Variants in RYR2 observed in about 807,000 individuals in gnomAD.
The protein encoded by RYR2 is cardiac muscle ryanodine receptor-calcium release channel.
A neutral mutation model predicts 601.1 loss-of-function variants in RYR2; 227 were observed. The ratio of observed to expected loss-of-function variants is 0.38; its 90% CI spans 0.34 to 0.42. RYR2 has a LOEUF of 0.42. Ranked by LOEUF, RYR2 falls within the 10% of genes least tolerant of loss-of-function variation. The probability of loss-of-function intolerance (pLI) is 1.00; values close to 1 mark genes in which losing one functional copy is unlikely to be tolerated. For missense variants in RYR2, 4,646 were observed against 6,156.5 expected (o/e 0.75, Z 8.21); for synonymous variants, 2,223 against 2,175.1 (o/e 1.02, Z -0.61).
chr1:237,720,824 A>G (rs950225775), intron 73 of RYR2, among the ~76,000 whole-genome samples: 4 of 152,212 alleles, frequency 2.6e-5, no homozygotes, highest in African/African-American at 9.6e-5. Context: ...TATGATTATA[A>G]GCAGAAAGAA....
chr1:237,454,207 A>G (rs977698549), intron 14 of RYR2, among the ~76,000 whole-genome samples, 184 bp from the exon 15 acceptor site: 2 of 152,162 alleles, frequency 1.3e-5, no homozygotes, highest in African/African-American at 4.8e-5. Context: ...ATAACATAAC[A>G]TTGCACAGTT....
chr1:237,750,918 C>A (rs1161860032), intron 80 of RYR2, among the ~76,000 whole-genome samples: 1 of 152,178 alleles, frequency 6.6e-6, no homozygotes, highest in African/African-American at 2.4e-5. Flanking sequence ...GGGACTGTAT[C>A]AAATACTTGG....
chr1:237,095,887 T>C (rs1667456152), intron 1 of RYR2, among the ~76,000 whole-genome samples: 1 of 152,220 alleles, frequency 6.6e-6, no homozygotes, highest in Admixed American at 6.5e-5. Context: ...GGACTTGTGG[T>C]TGACCTTGAA....
At position 237,119,664 on chromosome 1, in the gene RYR2, C is replaced by G. The variant is rs1009549915; in HGVS notation, c.48+77095C>G. On this transcript the variant is annotated intron_variant, in intron 1 of 104. Transcript: ENST00000366574. Reference sequence around the variant, plus strand: ...CTGGTCTCATGGCCATGGCACTCTTCAGCCTATCAAATATAAATGCAGAAG... The same window carrying G: ...CTGGTCTCATGGCCATGGCACTCTTGAGCCTATCAAATATAAATGCAGAAG... 2.6e-5 allele frequency among the ~76,000 whole-genome samples: 4 copies of G among 152,298 alleles called. No individual in the cohort carries two copies. The East Asian group carries it at 7.7e-4, about 29-fold the overall frequency.
chr1:237,654,202 A>G, intron 51 of RYR2, 72 bp from the exon 52 acceptor site: 1 of 1,543,320 alleles, frequency 6.5e-7, no homozygotes, highest in Non-Finnish European at 8.7e-7. Flanking sequence ...AGAGTGTGAT[A>G]TGAGGAGAAA....
intron 1 of RYR2, among the ~76,000 whole-genome samples, chr1:237,070,774 G>A (rs1297864238): frequency 6.6e-6 from 1 of 152,226 alleles, no homozygotes; most frequent in Non-Finnish European, 1.5e-5. Flanking sequence ...ACAGGTGCCA[G>A]CTCCATGTGA....
At chr1:237,436,834 A>G (rs1028227014) in intron 12 of RYR2, among the ~76,000 whole-genome samples, 4 of 150,060 alleles carry the variant, frequency 2.7e-5, no homozygotes, top group African/African-American at 9.8e-5. Flanking sequence ...ATAATTCTAT[A>G]GGACTAGTTT....
intron 1 of RYR2, among the ~76,000 whole-genome samples, chr1:237,131,978 C>T (rs1672219521): frequency 6.6e-6 from 1 of 152,182 alleles, no homozygotes; most frequent in Admixed American, 6.5e-5. Flanking sequence ...CCCACCTCAG[C>T]CTCCCAAAAT....
rs1553322794 is a variant in RYR2 at position 237,784,109 on chromosome 1, C to T, written c.12397C>T (p.Leu4133=). 7 of 1,613,870 alleles carry T rather than the reference C, an allele frequency of 4.3e-6. No homozygotes were observed. The highest frequency in any genetic ancestry group is 1.3e-5 in the African/African-American group (1 of 74,904). The change falls in exon 90 of 105, where the codon CTG becomes TTG. Residue 4133 remains leucine, a synonymous_variant. Coordinates refer to ENST00000366574, the MANE Select transcript of RYR2 (RefSeq NM_001035.3). The surrounding 1 kb of genome is among the most constrained non-coding windows in gnomAD (Gnocchi z 7.1). The stretch of plus-strand genomic sequence containing the variant: ...CGTCCTGAATTATTTCCAGCCCTTT[C>T]TGGGCCGCATCGAAATCATGGGAAG... ...ESVLNYFQPF[L]GRIEIMGSAK...
intron 1 of RYR2, among the ~76,000 whole-genome samples, chr1:237,112,081 T>G (rs907362038): frequency 2.0e-5 from 3 of 152,088 alleles, no homozygotes; most frequent in African/African-American, 7.2e-5. Context: ...AAGTTCCCCC[T>G]CCATCACTGG....
chr1:237,108,840 T>G (rs1014172142), intron 1 of RYR2, among the ~76,000 whole-genome samples: 18 of 152,198 alleles, frequency 1.2e-4, no homozygotes, highest in African/African-American at 4.1e-4. Context: ...TTTGCACTTT[T>G]GGTATTTCTG....
intron 29 of RYR2, among the ~76,000 whole-genome samples, chr1:237,580,882 A>T (rs1272293911): frequency 6.6e-6 from 1 of 152,106 alleles, no homozygotes; most frequent in African/African-American, 2.4e-5. Flanking sequence ...ATGGAGAGAG[A>T]CCTCAGGAGA....
intron 2 of RYR2, among the ~76,000 whole-genome samples, chr1:237,321,941 T>C (rs1219737426): frequency 6.6e-6 from 1 of 152,148 alleles, no homozygotes; most frequent in Non-Finnish European, 1.5e-5. Flanking sequence ...TAAGTACCTA[T>C]AAGGAAGTGG....
chr1:237,343,163 C>T (rs553151498), intron 3 of RYR2, among the ~76,000 whole-genome samples: 6 of 151,886 alleles, frequency 4.0e-5, no homozygotes, highest in African/African-American at 1.2e-4. Flanking sequence ...ATCGAGGCTG[C>T]GGTGAGCTGT....
intron 2 of RYR2, among the ~76,000 whole-genome samples, chr1:237,321,077 G>A (rs959384959): frequency 1.3e-5 from 2 of 152,010 alleles, no homozygotes; most frequent in South Asian, 4.1e-4. Flanking sequence ...TCTGGTATGA[G>A]TTTTAGGCTA....
At chr1:237,361,557 T>C (rs1282229354) in intron 4 of RYR2, among the ~76,000 whole-genome samples, 1 of 152,216 alleles carries the variant, frequency 6.6e-6, no homozygotes, top group Non-Finnish European at 1.5e-5. Context: ...ATAATCCTTT[T>C]TAATGGCAAG....
chr1:237,806,608 T>A (rs1441743198), intron 99 of RYR2, among the ~76,000 whole-genome samples: 1 of 152,218 alleles, frequency 6.6e-6, no homozygotes, highest in Non-Finnish European at 1.5e-5. Flanking sequence ...ACTTAGTTAT[T>A]ATTTTGTTCC....
intron 1 of RYR2, among the ~76,000 whole-genome samples, chr1:237,211,685 C>T (rs1191538927): frequency 6.6e-6 from 1 of 152,140 alleles, no homozygotes; most frequent in Non-Finnish European, 1.5e-5. Context: ...TTCTCTGAAC[C>T]ATGATTGCCC....
intron 1 of RYR2, among the ~76,000 whole-genome samples, chr1:237,204,319 T>C (rs1186058415): frequency 6.6e-6 from 1 of 152,208 alleles, no homozygotes; most frequent in Non-Finnish European, 1.5e-5. Context: ...CATGTCTTTG[T>C]TATATCAGTA....
Sources: gnomAD v4.1 joint callset for allele counts (sites outside exome capture counted in the v4.1 genomes callset) on GRCh38, gnomAD v4.1.1 for gene constraint, Gnocchi (gnomAD v3.1) non-coding constraint, MANE v1.5 for transcripts, NCBI Gene and HGNC (gene_info 2026-07-23, HGNC 2026-07-21) for gene names.